Variants in CNBD1 observed in about 807,000 individuals in gnomAD.
CNBD1 encodes the protein cyclic nucleotide-binding domain-containing protein 1.
A neutral mutation model predicts 54.4 loss-of-function variants in CNBD1; 71 were observed. The ratio of observed to expected loss-of-function variants is 1.30; its 90% CI spans 1.08 to 1.59. The LOEUF is 1.59. Among genes scored for constraint, CNBD1 ranks in the 40% most tolerant of loss-of-function variants. The probability of loss-of-function intolerance (pLI) is 0.00; values close to 1 mark genes in which losing one functional copy is unlikely to be tolerated. For missense variants in CNBD1, 659 were observed against 518.0 expected (o/e 1.27, Z -2.64); for synonymous variants, 182 against 170.7 (o/e 1.07, Z -0.51).
chr8:87,365,219 C>T lies in CNBD1; in HGVS notation c.1303+11433C>T, dbSNP rs376511296. On this transcript the variant is annotated intron_variant, in intron 10 of 10. Transcript: ENST00000518476. ...TTCTGACTGATGTGATGTGAGATGA[C>T]ATCTCATTTAGGTTTTGATTTTCTT... 2.0e-4 allele frequency among the ~76,000 whole-genome samples: 30 copies of T among 152,050 alleles called. No homozygotes were observed. The East Asian group carries it at 5.4e-3, about 28-fold the overall frequency.
chr8:87,269,362 C>T (rs979625555), intron 6 of CNBD1, among the ~76,000 whole-genome samples: 12 of 152,056 alleles, frequency 7.9e-5, no homozygotes, highest in Non-Finnish European at 2.9e-5. Context: ...TGTGATGCCT[C>T]CAGCTTCGTT....
intron 4 of CNBD1, among the ~76,000 whole-genome samples, chr8:87,186,815 G>T (rs974275489): frequency 1.3e-5 from 2 of 151,878 alleles, no homozygotes; most frequent in African/African-American, 2.4e-5. Context: ...CATGCATATG[G>T]CAAGATTGTT....
intron 6 of CNBD1, among the ~76,000 whole-genome samples, chr8:87,269,238 T>C (rs1356151606): frequency 6.6e-6 from 1 of 152,084 alleles, no homozygotes; most frequent in African/African-American, 2.4e-5. Context: ...TGTAGGTATA[T>C]GGCTTTATTT....
At chr8:87,003,099 T>C (rs1303633685) in intron 4 of CNBD1, among the ~76,000 whole-genome samples, 1 of 152,138 alleles carries the variant, frequency 6.6e-6, no homozygotes, top group Non-Finnish European at 1.5e-5. Context: ...TCCAGATCTG[T>C]TGGAATGCTT....
At chr8:87,113,394 G>C (rs1811703492) in intron 4 of CNBD1, among the ~76,000 whole-genome samples, 1 of 152,274 alleles carries the variant, frequency 6.6e-6, no homozygotes, top group Non-Finnish European at 1.5e-5. Context: ...CTTTCTGACT[G>C]TTTCCTCTAC....
At chr8:86,970,519 T>C (rs1036716857) in intron 4 of CNBD1, among the ~76,000 whole-genome samples, 1 of 152,174 alleles carries the variant, frequency 6.6e-6, no homozygotes, top group Non-Finnish European at 1.5e-5. Context: ...GTATATTGTA[T>C]AGTGCTGAAG....
At chr8:87,048,713 A>G (rs1490721795) in intron 4 of CNBD1, among the ~76,000 whole-genome samples, 1 of 152,158 alleles carries the variant, frequency 6.6e-6, no homozygotes, top group African/African-American at 2.4e-5. Flanking sequence ...TCTATACTAA[A>G]AGATATGGAA....
chr8:87,386,194 A>C (rs191118933), downstream of CNBD1, among the ~76,000 whole-genome samples: 3 of 152,276 alleles, frequency 2.0e-5, no homozygotes, highest in Admixed American at 2.0e-4. Context: ...GAAACTCTAA[A>C]AATCAGAGCA....
At chr8:87,346,888 T>C (rs1238981914) in intron 8 of CNBD1, among the ~76,000 whole-genome samples, 1 of 152,214 alleles carries the variant, frequency 6.6e-6, no homozygotes, top group Non-Finnish European at 1.5e-5. Context: ...TCACAGGTGG[T>C]ATGGACTCTA....
chr8:86,951,894 C>A (rs113828037), intron 4 of CNBD1, among the ~76,000 whole-genome samples: 3 of 151,976 alleles, frequency 2.0e-5, no homozygotes, highest in African/African-American at 7.3e-5. Context: ...CCACTGTATT[C>A]CTAAAAAAGA....
intron 2 of CNBD1, among the ~76,000 whole-genome samples, chr8:87,389,252 G>A (rs1197539184): frequency 6.6e-6 from 1 of 152,146 alleles, no homozygotes; most frequent in Non-Finnish European, 1.5e-5. Flanking sequence ...TCTGGCCAGG[G>A]CAATCAGGCA....
At chr8:87,206,477 C>G (rs911401728) in intron 5 of CNBD1, among the ~76,000 whole-genome samples, 4 of 152,040 alleles carry the variant, frequency 2.6e-5, no homozygotes, top group Non-Finnish European at 4.4e-5. Context: ...TTTATAATAC[C>G]TCAGGTGATG....
At chr8:87,109,789 C>T (rs760335950) in intron 4 of CNBD1, among the ~76,000 whole-genome samples, 21 of 152,050 alleles carry the variant, frequency 1.4e-4, no homozygotes, top group Non-Finnish European at 2.5e-4. Context: ...CTGCCTGCCT[C>T]AGCCTCCCAA....
intron 9 of CNBD1, among the ~76,000 whole-genome samples, chr8:87,352,091 T>C (rs1810309615): frequency 6.6e-6 from 1 of 152,140 alleles, no homozygotes; most frequent in African/African-American, 2.4e-5. Context: ...ACTACAAACA[T>C]ACCAGATTGG....
intron 4 of CNBD1, among the ~76,000 whole-genome samples, chr8:86,967,826 G>T (rs1808122335): frequency 6.7e-6 from 1 of 148,910 alleles, no homozygotes. Flanking sequence ...TTAACCTGCA[G>T]TTTTGTTGTT....
At chr8:87,045,009 G>A (rs1041708555) in intron 4 of CNBD1, among the ~76,000 whole-genome samples, 2 of 152,086 alleles carry the variant, frequency 1.3e-5, no homozygotes, top group African/African-American at 4.8e-5. Flanking sequence ...CCCCACTTCA[G>A]GATAAGAGAC....
intron 4 of CNBD1, among the ~76,000 whole-genome samples, chr8:87,202,475 A>G (rs1334697224): frequency 6.6e-6 from 1 of 152,206 alleles, no homozygotes; most frequent in Non-Finnish European, 1.5e-5. Flanking sequence ...CCCAAATGCA[A>G]GTAATAGTCA....
intron 2 of CNBD1, among the ~76,000 whole-genome samples, chr8:87,414,336 CA>C (rs1442489449): frequency 6.6e-6 from 1 of 151,952 alleles, no homozygotes; most frequent in African/African-American, 2.4e-5. Context: ...AACCCATGGA[CA>C]CAGGAAGGGG....
intron 4 of CNBD1, among the ~76,000 whole-genome samples, chr8:87,049,061 A>G (rs1810259224): frequency 6.6e-6 from 1 of 152,136 alleles, no homozygotes; most frequent in South Asian, 2.1e-4. Flanking sequence ...GGCTTATTCT[A>G]TTTCTGCAGA....
Sources: gnomAD v4.1 joint callset for allele counts (sites outside exome capture counted in the v4.1 genomes callset) on GRCh38, gnomAD v4.1.1 for gene constraint, MANE v1.5 for transcripts, NCBI Gene and HGNC (gene_info 2026-07-23, HGNC 2026-07-21) for gene names.